CPSF3: variants seen among roughly 807,000 people sequenced by gnomAD.
CPSF3 encodes cleavage and polyadenylation specific factor 3, also known as cleavage and polyadenylation specificity factor subunit 3.
In CPSF3, 57 loss-of-function variants were observed where a neutral mutation model predicts 84.1. That is an observed-to-expected ratio of 0.68 (90% CI 0.55 to 0.85). CPSF3 has a LOEUF of 0.85. Among genes scored for constraint, CPSF3 ranks in the 40% least tolerant of loss-of-function variants. The probability of loss-of-function intolerance (pLI) is 0.00; values close to 1 mark genes in which losing one functional copy is unlikely to be tolerated. For synonymous variants in CPSF3, 275 were observed against 278.1 expected (o/e 0.99, Z 0.11); for missense variants, 522 against 838.8 (o/e 0.62, Z 4.66).
intron 11 of CPSF3, among the ~76,000 whole-genome samples, chr2:9,451,082 A>G (rs191475419): frequency 2.5e-3 from 374 of 152,258 alleles, no homozygotes; most frequent in Middle Eastern, 0.02. Context: ...AGAAAAAAAA[A>G]GTTTTGCAGT....
intron 16 of CPSF3, among the ~76,000 whole-genome samples, chr2:9,469,635 C>T (rs771778680): frequency 1.2e-4 from 18 of 152,120 alleles, no homozygotes; most frequent in Non-Finnish European, 2.4e-4. Context: ...CCACTCCTCC[C>T]GCCTCCCCTC....
At chr2:9,434,906 C>A (rs1056935949) in intron 6 of CPSF3, among the ~76,000 whole-genome samples, 85 of 152,366 alleles carry the variant, frequency 5.6e-4, no homozygotes, top group African/African-American at 2.0e-3. Context: ...TGTTCCCCAG[C>A]TGCCCAGGCA....
chr2:9,460,451 A>G (rs1483978096), intron 15 of CPSF3, among the ~76,000 whole-genome samples: 1 of 152,156 alleles, frequency 6.6e-6, no homozygotes, highest in Non-Finnish European at 1.5e-5. Context: ...ATAAAAAATA[A>G]TAAAAATAAT....
chr2:9,460,430 AAAAT>A (rs1681694326), intron 15 of CPSF3, among the ~76,000 whole-genome samples: 1 of 152,056 alleles, frequency 6.6e-6, no homozygotes, highest in African/African-American at 2.4e-5. Flanking sequence ...CTCCGTCTCA[AAAAT>A]AAATAAATAA....
At chr2:9,425,139 G>A (rs759497842) in intron 1 of CPSF3, among the ~76,000 whole-genome samples, 22 of 152,286 alleles carry the variant, frequency 1.4e-4, no homozygotes, top group African/African-American at 5.3e-4. Context: ...AAGACTGGGG[G>A]GCCCAGGATG....
rs148798191 is a variant in CPSF3, at chr2:9,458,887, C to T, written c.1699-644C>T. Among the ~76,000 whole-genome samples the T allele has an allele frequency of 1.1e-3, 164 of 152,040 alleles. No individual in the cohort carries two copies. In the East Asian group the frequency reaches 0.021, roughly 20 times the overall value. ...CAGCACTTTGGGAGGCCGAGGTGGGCGGATCACCTGAGGTCGGGAGTTAGA... is the reference window on the plus strand; with the variant it reads ...CAGCACTTTGGGAGGCCGAGGTGGGTGGATCACCTGAGGTCGGGAGTTAGA... On this transcript the variant is annotated intron_variant, in intron 14 of 17. Transcript: ENST00000238112.
rs4668620 is a variant in CPSF3, at chr2:9,433,665, A to G, written c.520-206A>G. On this transcript the variant is annotated intron_variant, in intron 5 of 17. Coordinates refer to ENST00000238112, the MANE Select transcript of CPSF3 (RefSeq NM_016207.4). The stretch of plus-strand genomic sequence containing the variant: ...ATGATACTGGGAATAGATTATTCCC[A>G]TTTACTAGAGGAAATAATTGAAGCA... Among the ~76,000 whole-genome samples, 563 of 152,326 alleles carry G rather than the reference A, an allele frequency of 3.7e-3. 17 individuals are homozygous for G. Among genetic ancestry groups the G allele is most frequent in the Admixed American group, 0.029 (439 of 15,292 alleles).
At chr2:9,465,155 G>T (rs1323475037) in intron 15 of CPSF3, among the ~76,000 whole-genome samples, 2 of 152,214 alleles carry the variant, frequency 1.3e-5, no homozygotes, top group Admixed American at 1.3e-4. Flanking sequence ...GTGCAGAAGT[G>T]AGTTAATAAA....
intron 10 of CPSF3, among the ~76,000 whole-genome samples, chr2:9,443,885 A>G (rs1044715280): frequency 8.6e-5 from 13 of 151,780 alleles, no homozygotes; most frequent in Non-Finnish European, 1.8e-4. Context: ...ACCAACCCCA[A>G]TCCTAATGTT....
In CPSF3 at chr2:9,436,192, C is replaced by T; in HGVS notation, c.610-19C>T. 1 of 1,564,752 alleles carries T rather than the reference C, an allele frequency of 6.4e-7. No individual in the cohort carries two copies. Among genetic ancestry groups the T allele is most frequent in the Non-Finnish European group, 8.7e-7 (1 of 1,155,230 alleles). On this transcript the variant is annotated intron_variant, in intron 6 of 17. Transcript: ENST00000238112. ...GAGGATCATTGGTCTTAGTCTCACACTTCTAATGTATTATTTAGGAATCTA... is the reference window on the plus strand; with the variant it reads ...GAGGATCATTGGTCTTAGTCTCACATTTCTAATGTATTATTTAGGAATCTA...
chr2:9,439,168 A>T (rs1037930805), intron 7 of CPSF3, among the ~76,000 whole-genome samples: 2 of 152,266 alleles, frequency 1.3e-5, no homozygotes, highest in Non-Finnish European at 2.9e-5. Context: ...TCATTGATAC[A>T]TCAAATGGAA....
chr2:9,428,733 A>C lies in CPSF3; in HGVS notation c.51-32A>C, dbSNP rs1346134514. The C allele has an allele frequency of 2.7e-6, 4 of 1,504,262 alleles. No individual in the cohort carries two copies. The Admixed American group carries it at 6.8e-5, about 26-fold the overall frequency. 93.2% of individuals were successfully genotyped at this position (1,504,262 alleles called of 1,614,324 possible). ...TTGGACTTGGTTTTGATTTTTTTTA[A>C]TCCTTCTTTTTCTCCCCTTGAATAT... On this transcript the variant is annotated intron_variant, in intron 1 of 17. Transcript: ENST00000238112.
At chr2:9,448,108 A>T in intron 10 of CPSF3, 90 bp from the exon 11 acceptor site, 1 of 673,296 alleles carries the variant, frequency 1.5e-6, no homozygotes, top group Non-Finnish European at 2.3e-6. Flanking sequence ...TTCATATATT[A>T]AATATATTTC....
At chr2:9,443,764 T>C in intron 10 of CPSF3, 103 bp downstream of exon 10, 1 of 1,243,636 alleles carries the variant, frequency 8.0e-7, no homozygotes, top group Non-Finnish European at 1.1e-6. Flanking sequence ...CACCTACTAA[T>C]GCGACACCCC....
chr2:9,468,619 CTTTTTTT>C lies in CPSF3; in HGVS notation c.1856+862_1856+868del, dbSNP rs5829213. On this transcript the variant is annotated intron_variant, in intron 16 of 17. Coordinates refer to ENST00000238112, the MANE Select transcript of CPSF3 (RefSeq NM_016207.4). ...TCTTTCCCCAAAATTCTACACTGACCTTTTTTTTTTTTTTTTTTTTTTTTTGAGACGG... is the reference window on the plus strand; with the variant it reads ...TCTTTCCCCAAAATTCTACACTGACCTTTTTTTTTTTTTTTTTTGAGACGG... Among the ~76,000 whole-genome samples, 34 of 108,340 alleles carry C rather than the reference CTTTTTTT, an allele frequency of 3.1e-4. 2 individuals are homozygous for C. Among genetic ancestry groups the C allele is most frequent in the South Asian group, 2.6e-3 (9 of 3,508 alleles). 71.1% of individuals were successfully genotyped at this position (108,340 alleles called of 152,430 possible). A position where few individuals can be genotyped will look rare whatever the true frequency, so the allele number is the denominator to read the frequency against.
intron 14 of CPSF3, among the ~76,000 whole-genome samples, chr2:9,458,883 T>TG (rs1317619376): frequency 6.6e-6 from 1 of 151,916 alleles, no homozygotes; most frequent in East Asian, 1.9e-4. Context: ...GAGGCCGAGG[T>TG]GGGCGGATCA....
intron 14 of CPSF3, among the ~76,000 whole-genome samples, chr2:9,457,839 A>G (rs1681585122): frequency 6.6e-6 from 1 of 151,346 alleles, no homozygotes; most frequent in South Asian, 2.1e-4. Flanking sequence ...TGCAACCTCC[A>G]CCTCCTAGGT....
At chr2:9,463,313 A>T (rs1485871291) in intron 15 of CPSF3, among the ~76,000 whole-genome samples, 1 of 152,234 alleles carries the variant, frequency 6.6e-6, no homozygotes. Context: ...TAGGAGGGCA[A>T]GCAAGAAAGC....
chr2:9,467,982 C>G (rs1682034752), intron 16 of CPSF3: 1 of 467,030 alleles, frequency 2.1e-6, no homozygotes, highest in Non-Finnish European at 3.8e-6. Flanking sequence ...CTAGGTCAGC[C>G]GTTTGTGTTT....
Sources: gnomAD v4.1 joint callset for allele counts (sites outside exome capture counted in the v4.1 genomes callset) on GRCh38, gnomAD v4.1.1 for gene constraint, MANE v1.5 for transcripts, NCBI Gene and HGNC (gene_info 2026-07-23, HGNC 2026-07-21) for gene names.